Variants in ADAMTS14 observed in about 807,000 individuals in gnomAD.
ADAMTS14 encodes ADAM metallopeptidase with thrombospondin type 1 motif 14.
A neutral mutation model predicts 128.6 loss-of-function variants in ADAMTS14; 100 were observed. The observed-to-expected ratio is 0.78, with a 90% CI of 0.66 to 0.92. ADAMTS14 has a LOEUF of 0.92. Ranked by LOEUF, ADAMTS14 falls within the 40% of genes least tolerant of loss-of-function variation. The pLI is 0.00. For missense variants in ADAMTS14, 1,562 were observed against 1,658.6 expected, an observed-to-expected ratio of 0.94 and a Z score of 1.01; for synonymous variants, 665 against 653.8, an observed-to-expected ratio of 1.02 and a Z score of -0.26.
chr10:70,745,342 C>A, intron 15 of ADAMTS14, 36 bp downstream of exon 15: 1 of 1,607,928 alleles, frequency 6.2e-7, no homozygotes, highest in Non-Finnish European at 8.5e-7. Context: ...ACAGCAGGGC[C>A]CCAGGCCCTG....
intron 9 of ADAMTS14, 93 bp downstream of exon 9, chr10:70,735,394 C>T (rs527264007): frequency 1.3e-6 from 2 of 1,500,748 alleles, no homozygotes; most frequent in East Asian, 2.4e-5. Context: ...GCCTTCTGCC[C>T]AGCTGGCCAG....
chr10:70,691,565 A>T (rs1840191308), intron 2 of ADAMTS14, among the ~76,000 whole-genome samples: 1 of 106,796 alleles, frequency 9.4e-6, no homozygotes, highest in Non-Finnish European at 2.5e-5. Context: ...CTGTTCTCCA[A>T]GGTGCTGGAG....
chr10:70,693,794 C>T (rs1057258047), intron 2 of ADAMTS14, among the ~76,000 whole-genome samples: 10 of 152,208 alleles, frequency 6.6e-5, no homozygotes, highest in Non-Finnish European at 7.3e-5. Context: ...AGGTCATGAC[C>T]TTGGGAACTG....
At chr10:70,687,977 A>C (rs1589263687) in intron 2 of ADAMTS14, among the ~76,000 whole-genome samples, 1 of 29,488 alleles carries the variant, frequency 3.4e-5, no homozygotes, top group Non-Finnish European at 6.1e-5. Flanking sequence ...CCCCCCCCCG[A>C]CCTCCCTCCC....
At chr10:70,722,179 C>T (rs1243684555) in intron 4 of ADAMTS14, among the ~76,000 whole-genome samples, 1 of 152,118 alleles carries the variant, frequency 6.6e-6, no homozygotes, top group East Asian at 1.9e-4. Context: ...CAATAGGATG[C>T]AGCATGTGTC....
intron 4 of ADAMTS14, among the ~76,000 whole-genome samples, chr10:70,716,961 C>A (rs965180388): frequency 2.6e-5 from 4 of 152,310 alleles, no homozygotes; most frequent in African/African-American, 7.2e-5. Flanking sequence ...CGACCGGGCT[C>A]CCCGCTCAGC....
At chr10:70,676,450 G>A (rs1276516685) in intron 2 of ADAMTS14, among the ~76,000 whole-genome samples, 1 of 152,244 alleles carries the variant, frequency 6.6e-6, no homozygotes. Flanking sequence ...GGGCCCTCAT[G>A]GAGAGGGCTT....
At chr10:70,734,515 C>A (rs1841761439) in intron 8 of ADAMTS14, among the ~76,000 whole-genome samples, 1 of 152,138 alleles carries the variant, frequency 6.6e-6, no homozygotes, top group Non-Finnish European at 1.5e-5. Context: ...TCCCCCAGGC[C>A]CCAAGGAAAT....
chr10:70,717,950 C>T (rs1237977212), intron 4 of ADAMTS14, among the ~76,000 whole-genome samples: 1 of 152,204 alleles, frequency 6.6e-6, no homozygotes, highest in Non-Finnish European at 1.5e-5. Flanking sequence ...GAGCCCCTTT[C>T]TGAGCCTGGG....
intron 11 of ADAMTS14, 29 bp from the exon 12 acceptor site, chr10:70,740,957 AG>A (rs1231463340): frequency 6.2e-7 from 1 of 1,606,360 alleles, no homozygotes; most frequent in African/African-American, 1.3e-5. Flanking sequence ...CCAGCCAGCA[AG>A]GTCATCCATT....
At chr10:70,715,075 C>T (rs1021292018) in intron 4 of ADAMTS14, among the ~76,000 whole-genome samples, 2 of 151,172 alleles carry the variant, frequency 1.3e-5, no homozygotes, top group East Asian at 1.9e-4. Context: ...GGAGAACTAA[C>T]GGGAGATGAA....
intron 4 of ADAMTS14, among the ~76,000 whole-genome samples, chr10:70,714,199 T>TA (rs1201468760): frequency 1.2e-4 from 18 of 151,272 alleles, no homozygotes; most frequent in Non-Finnish European, 1.6e-4. Context: ...TCTCTAGAAT[T>TA]AAAAAAAAAG....
At chr10:70,730,380 C>T in intron 6 of ADAMTS14, 131 bp downstream of exon 6, 7 of 1,271,402 alleles carry the variant, frequency 5.5e-6, no homozygotes, top group South Asian at 4.9e-5. Context: ...GGGACCTGGA[C>T]AGCCGAGGAT....
intron 14 of ADAMTS14, among the ~76,000 whole-genome samples, chr10:70,744,908 A>G (rs1205712924): frequency 6.6e-6 from 1 of 152,002 alleles, no homozygotes; most frequent in Non-Finnish European, 1.5e-5. Flanking sequence ...GCAGGGAGAG[A>G]GAGTCAGAGG....
At chr10:70,747,889 C>T (rs1036591567) in intron 15 of ADAMTS14, among the ~76,000 whole-genome samples, 5 of 151,888 alleles carry the variant, frequency 3.3e-5, no homozygotes, top group Non-Finnish European at 7.4e-5. Flanking sequence ...TGTGCATGCA[C>T]GTGCATGCAC....
chr10:70,733,807 G>T, intron 7 of ADAMTS14, 78 bp from the exon 8 acceptor site: 1 of 1,541,854 alleles, frequency 6.5e-7, no homozygotes, highest in Non-Finnish European at 8.8e-7. Flanking sequence ...GTCTCCTGCT[G>T]CTGGCCTGCC....
chr10:70,749,793 C>T lies in ADAMTS14; in HGVS notation c.2264-29C>T, dbSNP rs766406155. The T allele has an allele frequency of 2.5e-6, 4 of 1,608,104 alleles. No homozygotes were observed. The African/African-American group carries it at 5.3e-5, about 22-fold the overall frequency. ...GCCCCCTGTGGAGAGGAGCAGAAAT[C>T]TGTGTGACCCTCTCCCCCCACCGGT... On this transcript the variant is annotated intron_variant, in intron 15 of 21. Coordinates refer to ENST00000373207, the MANE Select transcript of ADAMTS14 (RefSeq NM_080722.4).
In ADAMTS14 at chr10:70,758,024, C is replaced by T; in HGVS notation, c.3000C>T (p.Asn1000=). The T allele has an allele frequency of 3.7e-6, 6 of 1,613,656 alleles. No homozygotes were observed. The highest frequency in any genetic ancestry group is 3.4e-6 in the Non-Finnish European group (4 of 1,179,924). ...AGGTGGTGTGCAGGACCAACGCCAACAGCCTCGGGCATTGCGAGGGGGATA... is the reference window on the plus strand; with the variant it reads ...AGGTGGTGTGCAGGACCAACGCCAATAGCCTCGGGCATTGCGAGGGGGATA... ...QRQVVCRTNA[N]SLGHCEGDRP... The change falls in exon 20 of 22, where the codon AAC becomes AAT. Residue 1000 remains asparagine, a synonymous_variant. Transcript: ENST00000373207.
intron 4 of ADAMTS14, among the ~76,000 whole-genome samples, chr10:70,711,912 C>G (rs1339445186): frequency 6.6e-6 from 1 of 152,194 alleles, no homozygotes; most frequent in East Asian, 1.9e-4. Flanking sequence ...GCTCCAATGA[C>G]AGGAGCCCAG....
Sources: allele counts gnomAD v4.1 joint callset (sites outside exome capture counted in the v4.1 genomes callset), GRCh38; gene constraint gnomAD v4.1.1; transcripts MANE v1.5; gene names NCBI Gene and HGNC (gene_info 2026-07-23, HGNC 2026-07-21).